The following CEP192 variants were observed in gnomAD, a reference collection of about 807,000 sequenced individuals.
CEP192 encodes centrosomal protein 192.
A neutral mutation model predicts 271.8 loss-of-function variants in CEP192; 151 were observed. That is an observed-to-expected ratio of 0.56 (90% CI 0.49 to 0.64). The LOEUF is 0.64. Among genes scored for constraint, CEP192 ranks in the 30% least tolerant of loss-of-function variants. The pLI, the probability that CEP192 is intolerant of heterozygous loss-of-function variation, is 0.00. For synonymous variants in CEP192, 995 were observed against 1,076.5 expected (o/e 0.92, Z 1.48); for missense variants, 2,910 against 3,020.5 (o/e 0.96, Z 0.86).
rs746250386 is a variant in CEP192, at chr18:13,073,036, C to T, written c.5467C>T (p.Arg1823Ter). 6.2e-7 allele frequency: 1 copy of T among 1,611,042 alleles called. No homozygotes were observed. The highest frequency in any genetic ancestry group is 1.3e-5 in the African/African-American group (1 of 74,788). ...TCAGAACACTTTTGGTTCAGAACAG[C>T]GATTGACCAGTAACTGTGAGATCAG... ...QLQNTFGSEQ[R>*]LTSNCEIRIH... The change falls in exon 30 of 45, where the codon CGA (arginine) becomes TGA (stop). Residue 1823 changes from arginine (R) to a stop codon, truncating the protein, a stop_gained. Coordinates refer to ENST00000506447, the MANE Select transcript of CEP192 (RefSeq NM_032142.4). LOFTEE classifies it high-confidence loss of function.
chr18:13,079,863 A>G (rs1461643464), intron 30 of CEP192, among the ~76,000 whole-genome samples: 4 of 152,250 alleles, frequency 2.6e-5, no homozygotes. Flanking sequence ...ATGGCTAGCC[A>G]GTTTTCCCAG....
At position 13,047,893 on chromosome 18, in the gene CEP192, T is replaced by A. The variant is rs1249641130; in HGVS notation, c.2068-966T>A. On this transcript the variant is annotated intron_variant, in intron 15 of 44. Transcript: ENST00000506447. ...ATATCTTAAGTTTTTGGTTTTAAATTATTATCTGATTCAATTTTACCATGT... is the reference window on the plus strand; with the variant it reads ...ATATCTTAAGTTTTTGGTTTTAAATAATTATCTGATTCAATTTTACCATGT... Among the ~76,000 whole-genome samples, 4 of 152,222 alleles carry A rather than the reference T, an allele frequency of 2.6e-5. No homozygotes were observed. In the East Asian group the frequency reaches 5.8e-4, roughly 22 times the overall value.
chr18:13,001,581 G>T lies in CEP192; in HGVS notation c.289G>T (p.Asp97Tyr). The T allele has an allele frequency of 6.5e-7, 1 of 1,545,982 alleles. No individual in the cohort carries two copies. The change falls in exon 3 of 45, where the codon GAT (aspartate) becomes TAT (tyrosine). Residue 97 changes from aspartate (D) to tyrosine (Y), a missense_variant and splice_region_variant. Coordinates refer to ENST00000506447, the MANE Select transcript of CEP192 (RefSeq NM_032142.4). Reference sequence around the variant, plus strand: ...GTTACAGCTTAGCTTCCAGGATGATGAGTAAGTTCATACCTTCATTTGCTT... The same window carrying T: ...GTTACAGCTTAGCTTCCAGGATGATTAGTAAGTTCATACCTTCATTTGCTT... Reference protein sequence around the residue: ...ERLQLSFQDDDSISRKKSYVE... With the variant: ...ERLQLSFQDDYSISRKKSYVE...
intron 18 of CEP192, among the ~76,000 whole-genome samples, chr18:13,054,154 C>A (rs2036956961): frequency 6.6e-6 from 1 of 152,112 alleles, no homozygotes; most frequent in Admixed American, 6.5e-5. Flanking sequence ...AAGCTCACTC[C>A]AACAGCAATG....
At chr18:13,075,742 A>C (rs1782634277) in intron 30 of CEP192, among the ~76,000 whole-genome samples, 1 of 152,184 alleles carries the variant, frequency 6.6e-6, no homozygotes, top group Admixed American at 6.5e-5. Flanking sequence ...TATCTTCAAA[A>C]CAACCATTCG....
intron 3 of CEP192, among the ~76,000 whole-genome samples, chr18:13,003,971 T>A (rs2033821243): frequency 6.6e-6 from 1 of 152,010 alleles, no homozygotes; most frequent in Non-Finnish European, 1.5e-5. Context: ...ACAGCGAGAT[T>A]AAGAGTTAGT....
intron 8 of CEP192, 101 bp from the exon 9 acceptor site, chr18:13,018,981 A>G: frequency 8.6e-7 from 1 of 1,165,784 alleles, no homozygotes; most frequent in East Asian, 2.8e-5. Flanking sequence ...AGTGCTAAGT[A>G]TTAGGGTTAC....
intron 13 of CEP192, 86 bp from the exon 14 acceptor site, chr18:13,040,744 G>C: frequency 9.2e-7 from 1 of 1,085,314 alleles, no homozygotes; most frequent in East Asian, 2.5e-5. Flanking sequence ...TCATTTAGCT[G>C]TTTTACCACT....
At chr18:13,085,420 T>C (rs1241223782) in intron 30 of CEP192, among the ~76,000 whole-genome samples, 1 of 152,242 alleles carries the variant, frequency 6.6e-6, no homozygotes, top group Non-Finnish European at 1.5e-5. Flanking sequence ...TTTGTGAATT[T>C]TGGCTTTTGT....
chr18:13,029,261 TA>T (rs1305307383), intron 9 of CEP192, among the ~76,000 whole-genome samples: 1 of 152,264 alleles, frequency 6.6e-6, no homozygotes. Context: ...TATTAAAAGA[TA>T]TTAATATCTA....
intron 30 of CEP192, among the ~76,000 whole-genome samples, chr18:13,076,561 T>A (rs755688145): frequency 6.6e-6 from 1 of 152,218 alleles, no homozygotes; most frequent in Non-Finnish European, 1.5e-5. Flanking sequence ...AATTTGTGAT[T>A]TCTTAGGCTT....
intron 21 of CEP192, among the ~76,000 whole-genome samples, chr18:13,064,140 T>G (rs1299265776): frequency 6.6e-6 from 1 of 151,948 alleles, no homozygotes; most frequent in Non-Finnish European, 1.5e-5. Flanking sequence ...TTGTAGTAGT[T>G]TCATAGTTTG....
chr18:13,073,866 G>T (rs67868710), intron 30 of CEP192, among the ~76,000 whole-genome samples: 20,859 of 152,202 alleles, frequency 0.14, 1,577 homozygotes, highest in East Asian at 0.31. Flanking sequence ...GAATTTGCGG[G>T]GGGACATCAC....
intron 17 of CEP192, among the ~76,000 whole-genome samples, chr18:13,051,330 C>T (rs1210021545): frequency 6.6e-6 from 1 of 152,004 alleles, no homozygotes; most frequent in African/African-American, 2.4e-5. Flanking sequence ...TGACTCAGAA[C>T]ATTTTCCGTG....
chr18:13,112,545 T>C (rs1189923619), intron 40 of CEP192, among the ~76,000 whole-genome samples: 1 of 152,208 alleles, frequency 6.6e-6, no homozygotes, highest in African/African-American at 2.4e-5. Flanking sequence ...TCCTGTGTTA[T>C]GTTGTGTTTT....
rs778830612 is a variant in CEP192 at position 13,068,318 on chromosome 18, A to G, written c.4759-41A>G. On this transcript the variant is annotated intron_variant, in intron 23 of 44. Transcript: ENST00000506447. ...CTTTCATTAAGATAGTAATATTAAT[A>G]CCAGTTTACATTAAGACAAATTTTT... 2.7e-5 allele frequency: 43 copies of G among 1,593,644 alleles called. No homozygotes were observed. In the South Asian group the frequency reaches 4.8e-4, roughly 18 times the overall value.
intron 14 of CEP192, among the ~76,000 whole-genome samples, chr18:13,041,399 A>G (rs1279646758): frequency 2.6e-5 from 4 of 152,114 alleles, no homozygotes; most frequent in East Asian, 1.9e-4. Context: ...TGTTAGTACA[A>G]TGTCTTGTGC....
chr18:13,010,381 A>G (rs932749830), intron 4 of CEP192, among the ~76,000 whole-genome samples: 2 of 152,194 alleles, frequency 1.3e-5, no homozygotes, highest in Admixed American at 1.3e-4. Flanking sequence ...ATGAGTACAC[A>G]TTATATGTTA....
At position 13,029,694 on chromosome 18, in the gene CEP192, C is replaced by A. The variant is rs1163262308; in HGVS notation, c.1082C>A (p.Thr361Asn). The A allele has an allele frequency of 1.3e-6, 2 of 1,546,494 alleles. No homozygotes were observed. The highest frequency in any genetic ancestry group is 2.4e-5 in the East Asian group (1 of 40,824). Residue 361 changes from threonine (T) to asparagine (N), a missense_variant, in exon 10 of 45, where the codon ACC becomes AAC. Physicochemically the swap from Thr to Asn is moderately conservative, Grantham distance 65. Transcript: ENST00000506447. Reference protein sequence around the residue: ...ECASKDVLVKTLRAIDVKLNS... With the variant: ...ECASKDVLVKNLRAIDVKLNS... ...GCAAGTAAAGATGTTCTGGTGAAGACCCTCAGGGCTATTGATGTGAAACTT... is the reference window on the plus strand; with the variant it reads ...GCAAGTAAAGATGTTCTGGTGAAGAACCTCAGGGCTATTGATGTGAAACTT...
Sources: gnomAD v4.1 joint callset for allele counts (sites outside exome capture counted in the v4.1 genomes callset) on GRCh38, gnomAD v4.1.1 for gene constraint, MANE v1.5 for transcripts, NCBI Gene and HGNC (gene_info 2026-07-23, HGNC 2026-07-21) for gene names.